Variants in NCK1 observed in about 807,000 individuals in gnomAD.
NCK1 encodes the protein SH2/SH3 adapter protein NCK1.
Under a neutral mutation model 36.6 loss-of-function variants are expected in NCK1, and 19 were observed. The observed-to-expected ratio is 0.52, with a 90% CI of 0.36 to 0.76. The LOEUF is 0.76. Among genes scored for constraint, NCK1 ranks in the 30% least tolerant of loss-of-function variants. The pLI is 0.00. For synonymous variants in NCK1, 165 were observed against 156.0 expected, an observed-to-expected ratio of 1.06 and a Z score of -0.43; for missense variants, 358 against 445.6, an observed-to-expected ratio of 0.80 and a Z score of 1.77.
At chr3:136,909,359 AC>A (rs1939774850) in intron 1 of NCK1, among the ~76,000 whole-genome samples, 1 of 152,180 alleles carries the variant, frequency 6.6e-6, no homozygotes, top group African/African-American at 2.4e-5. Flanking sequence ...GGACTGAAAC[AC>A]CGTGTGAAAG....
chr3:136,922,234 C>T (rs114839326), intron 1 of NCK1, among the ~76,000 whole-genome samples: 217 of 152,322 alleles, frequency 1.4e-3, no homozygotes, highest in African/African-American at 4.8e-3. Flanking sequence ...CTTACCCTCT[C>T]GCCAGGGACT....
intron 1 of NCK1, among the ~76,000 whole-genome samples, chr3:136,918,290 C>T (rs951703956): frequency 6.6e-6 from 1 of 152,044 alleles, no homozygotes; most frequent in African/African-American, 2.4e-5. Context: ...CCCTCCACAT[C>T]TCTGGGTTCT....
intron 2 of NCK1, among the ~76,000 whole-genome samples, chr3:136,934,280 A>G (rs1050072647): frequency 2.0e-5 from 3 of 150,954 alleles, no homozygotes; most frequent in Non-Finnish European, 4.4e-5. Context: ...TGCTGTTCAT[A>G]TTATTTCTTT....
chr3:136,899,498 A>G, intron 1 of NCK1: 1 of 417,952 alleles, frequency 2.4e-6, no homozygotes, highest in Admixed American at 3.2e-5. Context: ...TCTCACCAAA[A>G]TCAGAATCAT....
In NCK1 at chr3:136,895,217, A is replaced by G. The variant is rs572045402; in HGVS notation, c.-18-32767A>G. On this transcript the variant is annotated intron_variant, in intron 1 of 3. Coordinates refer to ENST00000481752, the MANE Select transcript of NCK1 (RefSeq NM_001291999.2). ...AATAGGGATGTGATAAACAGTTTTCACTTTAACGTAGTCAACTATATGATT... is the reference window on the plus strand; with the variant it reads ...AATAGGGATGTGATAAACAGTTTTCGCTTTAACGTAGTCAACTATATGATT... Among the ~76,000 whole-genome samples the G allele has an allele frequency of 1.2e-4, 19 of 152,204 alleles. No homozygotes were observed. The South Asian group carries it at 3.9e-3, about 32-fold the overall frequency.
intron 3 of NCK1, 26 bp from the exon 4 acceptor site, chr3:136,948,233 A>C: frequency 1.3e-6 from 2 of 1,546,664 alleles, no homozygotes; most frequent in Non-Finnish European, 1.7e-6. Flanking sequence ...AATGTTTACT[A>C]TATGTATCTT....
intron 1 of NCK1, among the ~76,000 whole-genome samples, chr3:136,921,028 A>G (rs74593146): frequency 6.6e-6 from 1 of 152,310 alleles, no homozygotes; most frequent in Non-Finnish European, 1.5e-5. Context: ...TAGTGTCTTT[A>G]AAGAGGTAAC....
chr3:136,937,329 T>G (rs1346954001), intron 2 of NCK1, among the ~76,000 whole-genome samples: 1 of 152,240 alleles, frequency 6.6e-6, no homozygotes, highest in East Asian at 1.9e-4. Flanking sequence ...TATATGTCTG[T>G]CCTTATTCCA....
At chr3:136,873,497 G>A (rs1422211937) in intron 1 of NCK1, among the ~76,000 whole-genome samples, 1 of 152,182 alleles carries the variant, frequency 6.6e-6, no homozygotes, top group African/African-American at 2.4e-5. Context: ...ACTTTGGACT[G>A]TGAACTTCTA....
intron 1 of NCK1, among the ~76,000 whole-genome samples, chr3:136,867,129 T>C (rs866946691): frequency 0.074 from 2,266 of 30,640 alleles, 312 homozygotes; most frequent in African/African-American, 0.12. Context: ...TGTTTCTTTC[T>C]TTCCTTCCTT....
intron 1 of NCK1, among the ~76,000 whole-genome samples, chr3:136,916,504 A>G (rs962034204): frequency 6.6e-6 from 1 of 152,130 alleles, no homozygotes; most frequent in Non-Finnish European, 1.5e-5. Context: ...TGAGATTTGG[A>G]GAGAACCTTC....
At chr3:136,916,279 G>A (rs1433088321) in intron 1 of NCK1, among the ~76,000 whole-genome samples, 1 of 152,156 alleles carries the variant, frequency 6.6e-6, no homozygotes, top group Non-Finnish European at 1.5e-5. Context: ...GCATGAGGGG[G>A]AATTGGAATT....
intron 1 of NCK1, among the ~76,000 whole-genome samples, chr3:136,883,479 G>A (rs1250459119): frequency 6.6e-6 from 1 of 151,984 alleles, no homozygotes; most frequent in African/African-American, 2.4e-5. Context: ...ACTAAAAGCT[G>A]TAATTAGAGT....
intron 1 of NCK1, among the ~76,000 whole-genome samples, chr3:136,897,685 C>A (rs1939425626): frequency 6.6e-6 from 1 of 152,170 alleles, no homozygotes; most frequent in East Asian, 1.9e-4. Context: ...TCTCTTCACC[C>A]TTTTTTTAGA....
chr3:136,947,200 G>A (rs753830178), intron 3 of NCK1, among the ~76,000 whole-genome samples: 19 of 152,146 alleles, frequency 1.2e-4, no homozygotes, highest in Non-Finnish European at 1.8e-4. Flanking sequence ...CCTCAGAAAA[G>A]CAGTTGGTTG....
At chr3:136,914,609 C>G (rs1426775353) in intron 1 of NCK1, among the ~76,000 whole-genome samples, 1 of 152,114 alleles carries the variant, frequency 6.6e-6, no homozygotes, top group Non-Finnish European at 1.5e-5. Flanking sequence ...CATTGGAGAC[C>G]TTTTATTTAG....
intron 1 of NCK1, among the ~76,000 whole-genome samples, chr3:136,864,369 T>C (rs1938348514): frequency 6.6e-6 from 1 of 151,780 alleles, no homozygotes; most frequent in South Asian, 2.1e-4. Context: ...CACGCACCTG[T>C]AATCCCAGCT....
At chr3:136,908,821 T>A (rs1939758301) in intron 1 of NCK1, among the ~76,000 whole-genome samples, 1 of 152,194 alleles carries the variant, frequency 6.6e-6, no homozygotes, top group Admixed American at 6.5e-5. Flanking sequence ...TACAAGAGAA[T>A]TTCAGATTCA....
intron 1 of NCK1, among the ~76,000 whole-genome samples, chr3:136,922,910 AAACAACCCATTG>A (rs1940146906): frequency 6.6e-6 from 1 of 152,218 alleles, no homozygotes; most frequent in Admixed American, 6.5e-5. Flanking sequence ...AGAAAATTAC[AAACAACCCATTG>A]ACCATCAGTA....
Sources: allele counts gnomAD v4.1 joint callset (sites outside exome capture counted in the v4.1 genomes callset), GRCh38; gene constraint gnomAD v4.1.1; transcripts MANE v1.5; gene names NCBI Gene and HGNC (gene_info 2026-07-23, HGNC 2026-07-21).